ZNF831: variants seen among roughly 807,000 people sequenced by gnomAD.
ZNF831 encodes chromosome 20 open reading frame 174.
In ZNF831, 59 loss-of-function variants were observed where a neutral mutation model predicts 95.8. The ratio of observed to expected loss-of-function variants is 0.62; its 90% confidence interval spans 0.50 to 0.77. The LOEUF is 0.77. Among genes scored for constraint, ZNF831 ranks in the 30% least tolerant of loss-of-function variants. ZNF831 has a pLI of 0.00. For missense variants in ZNF831, 2,205 were observed against 2,164.0 expected, an observed-to-expected ratio of 1.02 and a Z score of -0.38; for synonymous variants, 961 against 925.5, an observed-to-expected ratio of 1.04 and a Z score of -0.70.
At chr20:59,216,700 C>T (rs1985702636) in intron 4 of ZNF831, among the ~76,000 whole-genome samples, 1 of 152,056 alleles carries the variant, frequency 6.6e-6, no homozygotes, top group South Asian at 2.1e-4. Flanking sequence ...GCTAGTGTGC[C>T]AGGTGCATGG....
In ZNF831 at chr20:59,191,442, G is replaced by C. The variant is rs1983513720; in HGVS notation, c.423G>C (p.Ala141=). The C allele has an allele frequency of 6.2e-7, 1 of 1,612,894 alleles. No individual in the cohort carries two copies. The highest frequency in any genetic ancestry group is 1.3e-5 in the African/African-American group (1 of 75,062). ...TLGSPGKVRN[A]GKYLCPHCGR... ...GCAGCCCAGGCAAGGTGCGGAATGC[G>C]GGCAAGTACCTGTGTCCGCACTGTG... Residue 141 remains alanine, a synonymous_variant, in exon 2 of 6, where the codon GCG becomes GCC. Transcript: ENST00000371030.
chr20:59,129,466 T>C (rs1979281607), intron 1 of ZNF831, among the ~76,000 whole-genome samples: 1 of 152,104 alleles, frequency 6.6e-6, no homozygotes, highest in Non-Finnish European at 1.5e-5. Flanking sequence ...CTACTAAAAA[T>C]ATAAAAATTA....
At chr20:59,205,427 A>G (rs573810101) in intron 3 of ZNF831, among the ~76,000 whole-genome samples, 5 of 152,170 alleles carry the variant, frequency 3.3e-5, no homozygotes, top group Admixed American at 3.3e-4. Flanking sequence ...CAGCCGGGGA[A>G]TGACAGCTCC....
intron 4 of ZNF831, among the ~76,000 whole-genome samples, chr20:59,218,637 C>CTTGAT (rs1298005840): frequency 1.3e-4 from 19 of 151,406 alleles, no homozygotes; most frequent in African/African-American, 4.6e-4. Flanking sequence ...TAAACTCAAT[C>CTTGAT]TAACTGGCCT....
intron 1 of ZNF831, among the ~76,000 whole-genome samples, chr20:59,168,455 G>GTTTTTTTTTTTTTT (rs71183161): frequency 2.6e-5 from 3 of 113,852 alleles, no homozygotes; most frequent in Non-Finnish European, 3.5e-5. Context: ...GTGCGAGGAG[G>GTTTTTTTTTTTTTT]TTTTTTTTTT....
At position 59,208,126 on chromosome 20, in the gene ZNF831, AGGTCAAGGGTCAAGCCCCATGT is replaced by A. The variant is rs1985032231; in HGVS notation, c.4027+1073_4027+1094del. Among the ~76,000 whole-genome samples the A allele has an allele frequency of 6.6e-6, 1 of 152,198 alleles. No homozygotes were observed. The highest frequency in any genetic ancestry group is 1.5e-5 in the Non-Finnish European group (1 of 68,026). The stretch of plus-strand genomic sequence containing the variant: ...GAAGAAAGGTTGTTTTTGTTAAGGA[AGGTCAAGGGTCAAGCCCCATGT>A]GGGAGAGGCTGGGATGCAGGGGGTT... On this transcript the variant is annotated intron_variant, in intron 4 of 5. Coordinates refer to ENST00000371030, the MANE Select transcript of ZNF831 (RefSeq NM_178457.3). The surrounding 1 kb of genome is among the most constrained non-coding windows in gnomAD (Gnocchi z 4.2).
At chr20:59,211,779 T>TTGTGTGTGTGTGTGTGTGTGTGTG (rs11472424) in intron 4 of ZNF831, among the ~76,000 whole-genome samples, 70 of 146,772 alleles carry the variant, frequency 4.8e-4, no homozygotes, top group African/African-American at 1.7e-3. Flanking sequence ...GGAGCTGACC[T>TTGTGTGTGTGTGTGTGTGTGTGTG]TGTGTGTGTG....
intron 1 of ZNF831, among the ~76,000 whole-genome samples, chr20:59,137,242 T>C (rs1265901664): frequency 6.6e-6 from 1 of 151,808 alleles, no homozygotes; most frequent in Non-Finnish European, 1.5e-5. Flanking sequence ...TTAGAAGTTA[T>C]ATGCACTAAT....
intron 3 of ZNF831, among the ~76,000 whole-genome samples, chr20:59,197,594 C>T (rs1224449690): frequency 6.6e-6 from 1 of 152,186 alleles, no homozygotes; most frequent in African/African-American, 2.4e-5. Context: ...GGCGTGGCCC[C>T]CAGAGCAGGC....
intron 1 of ZNF831, among the ~76,000 whole-genome samples, chr20:59,179,843 G>A (rs1042542095): frequency 6.6e-6 from 1 of 152,180 alleles, no homozygotes; most frequent in East Asian, 1.9e-4. Context: ...GTAGGGGCAG[G>A]ACTTGGATGC....
chr20:59,155,483 A>T (rs1980486251), intron 2 of ZNF831, among the ~76,000 whole-genome samples: 1 of 152,200 alleles, frequency 6.6e-6, no homozygotes, highest in Admixed American at 6.5e-5. Context: ...GTTTGTTCCC[A>T]TCTTGCTCAT....
At chr20:59,132,854 G>GGCTGAGGCTCCACTCT (rs1345036407) in intron 1 of ZNF831, among the ~76,000 whole-genome samples, 2 of 152,256 alleles carry the variant, frequency 1.3e-5, no homozygotes, top group African/African-American at 4.8e-5. Flanking sequence ...GAGCCAGCTG[G>GGCTGAGGCTCCACTCT]GCTGAGGCTC....
intron 1 of ZNF831, among the ~76,000 whole-genome samples, chr20:59,142,802 C>T (rs1214673355): frequency 6.6e-6 from 1 of 152,208 alleles, no homozygotes; most frequent in African/African-American, 2.4e-5. Flanking sequence ...AAACTCTCAG[C>T]CATTGAATTA....
intron 2 of ZNF831, among the ~76,000 whole-genome samples, chr20:59,154,504 C>T (rs1453691151): frequency 6.6e-6 from 1 of 152,230 alleles, no homozygotes; most frequent in Non-Finnish European, 1.5e-5. Flanking sequence ...CCTGCAGCAA[C>T]TCCAGTGTCC....
At chr20:59,196,241 A>G (rs1385279924) in intron 3 of ZNF831, among the ~76,000 whole-genome samples, 1 of 152,216 alleles carries the variant, frequency 6.6e-6, no homozygotes, top group Non-Finnish European at 1.5e-5. Context: ...CTGGGTTGAA[A>G]ACACATCCAT....
At chr20:59,228,668 A>C (rs570894135) in intron 4 of ZNF831, among the ~76,000 whole-genome samples, 7 of 152,318 alleles carry the variant, frequency 4.6e-5, no homozygotes, top group African/African-American at 1.7e-4. Context: ...GCACAGCAGC[A>C]CAAAGGGCTC....
chr20:59,229,491 G>C (rs950153879), intron 4 of ZNF831, among the ~76,000 whole-genome samples: 8 of 152,146 alleles, frequency 5.3e-5, no homozygotes, highest in Non-Finnish European at 1.0e-4. Context: ...ACATTGCATA[G>C]GGCATGAATA....
At chr20:59,166,588 C>T (rs186856596) in intron 1 of ZNF831, among the ~76,000 whole-genome samples, 2 of 152,148 alleles carry the variant, frequency 1.3e-5, no homozygotes, top group African/African-American at 4.8e-5. Flanking sequence ...TCTCTCCCCC[C>T]CAACCCCTTA....
intron 4 of ZNF831, among the ~76,000 whole-genome samples, chr20:59,237,309 G>A (rs975520816): frequency 1.3e-5 from 2 of 152,098 alleles, no homozygotes; most frequent in Admixed American, 6.5e-5. Flanking sequence ...GTGGGATGCT[G>A]GTTTTCTCCA....
Sources: gnomAD v4.1 joint callset for allele counts (sites outside exome capture counted in the v4.1 genomes callset) on GRCh38, gnomAD v4.1.1 for gene constraint, Gnocchi (gnomAD v3.1) non-coding constraint, MANE v1.5 for transcripts, NCBI Gene and HGNC (gene_info 2026-07-23, HGNC 2026-07-21) for gene names.